The following MYLIP variants were observed in gnomAD, a reference collection of about 807,000 sequenced individuals.
MYLIP encodes the protein myosin regulatory light chain interacting protein, also known as E3 ubiquitin-protein ligase MYLIP.
A neutral mutation model predicts 45.8 loss-of-function variants in MYLIP; 26 were observed. That is an observed-to-expected ratio of 0.57 (90% CI 0.42 to 0.79). The LOEUF (loss-of-function observed/expected upper bound fraction) is 0.79. MYLIP is among the 30% of genes least tolerant of loss of function. The pLI is 0.00. For missense variants in MYLIP, 494 were observed against 555.6 expected (o/e 0.89, Z 1.11); for synonymous variants, 213 against 218.1 (o/e 0.98, Z 0.21).
Position 16,129,417 on chromosome 6 carries a change from C to G in MYLIP, c.87+8C>G. 6.3e-7 allele frequency: 1 copy of G among 1,576,990 alleles called. No homozygotes were observed. The highest frequency in any genetic ancestry group is 8.6e-7 in the Non-Finnish European group (1 of 1,162,056). ...GAGGACTGCCTCAACCAGGTGAGGG[C>G]GAGGGGCAAGAAGGGGCCCCGGCGG... is the stretch of plus-strand genomic sequence containing the variant. On this transcript the variant is annotated splice_region_variant and intron_variant, in intron 1 of 6. Coordinates refer to ENST00000356840, the MANE Select transcript of MYLIP (RefSeq NM_013262.4). This position sits in a 1 kb window ranked among gnomAD's most constrained non-coding sequence, Gnocchi z 5.1.
chr6:16,145,000 T>C lies in MYLIP; in HGVS notation c.931T>C (p.Tyr311His). 6.2e-7 allele frequency: 1 copy of C among 1,614,108 alleles called. No individual in the cohort carries two copies. Residue 311 changes from tyrosine to histidine, a missense_variant, in exon 6 of 7, where the codon TAT (tyrosine) becomes CAT (histidine). Transcript: ENST00000356840. ...TGAAAACATTAACCTTGGCAAGAAA[T>C]ATGTCTTTGATATTAAAAGAACATC... is the stretch of plus-strand genomic sequence containing the variant. Reference protein sequence around the residue: ...LNENINLGKKYVFDIKRTSKE... With the variant: ...LNENINLGKKHVFDIKRTSKE...
At chr6:16,155,633 C>G in the MYLIP span, among the ~76,000 whole-genome samples, 63 of 152,352 alleles carry the variant, frequency 4.1e-4, no homozygotes, top group African/African-American at 1.4e-3. Flanking sequence ...TGCTTCGGCA[C>G]TGGCAGGGGC....
chr6:16,153,825 A>G, the MYLIP span, among the ~76,000 whole-genome samples: 11 of 152,216 alleles, frequency 7.2e-5, no homozygotes, highest in African/African-American at 2.7e-4. Context: ...GACTCGGGTT[A>G]CCTGTTCAAG....
At chr6:16,162,806 G>A in the MYLIP span, among the ~76,000 whole-genome samples, 13,760 of 97,048 alleles carry the variant, frequency 0.14, 456 homozygotes, top group African/African-American at 0.34. Flanking sequence ...AAAAAAAAAA[G>A]AAATTCATTT....
chr6:16,159,468 T>G, the MYLIP span, among the ~76,000 whole-genome samples: 1 of 152,202 alleles, frequency 6.6e-6, no homozygotes, highest in Admixed American at 6.5e-5. Flanking sequence ...CTGGACGGTC[T>G]TTTTGGTTTG....
chr6:16,161,395 C>T, the MYLIP span: 230 of 226,836 alleles, frequency 1.0e-3, 1 homozygote, highest in African/African-American at 4.8e-3. Flanking sequence ...GATGACCTCC[C>T]GGACAACCTC....
At chr6:16,139,022 T>C (rs757090167) in intron 2 of MYLIP, among the ~76,000 whole-genome samples, 1 of 152,226 alleles carries the variant, frequency 6.6e-6, no homozygotes, top group Non-Finnish European at 1.5e-5. Context: ...TCTCCGGAAG[T>C]GTAGGCATGG....
chr6:16,162,183 T>C, the MYLIP span, among the ~76,000 whole-genome samples: 3 of 152,156 alleles, frequency 2.0e-5, no homozygotes, highest in African/African-American at 4.8e-5. Flanking sequence ...AATGTGAAAA[T>C]GAAATTTCCT....
the MYLIP span, among the ~76,000 whole-genome samples, chr6:16,154,973 A>T: frequency 6.6e-6 from 1 of 152,130 alleles, no homozygotes; most frequent in Non-Finnish European, 1.5e-5. Flanking sequence ...TATTTGACTC[A>T]CTGAAAGGAC....
At chr6:16,151,005 A>G (rs146303792), downstream of MYLIP, among the ~76,000 whole-genome samples, 1 of 152,092 alleles carries the variant, frequency 6.6e-6, no homozygotes, top group Admixed American at 6.5e-5. Flanking sequence ...CAAGAACAAT[A>G]TGAGAAAAAA....
chr6:16,129,295 G>A lies in MYLIP; in HGVS notation c.-28G>A, dbSNP rs1197099150. 30 of 1,550,898 alleles carry A rather than the reference G, an allele frequency of 1.9e-5. No homozygotes were observed. The East Asian group carries it at 7.1e-4, about 37-fold the overall frequency. ...GCCCCGCGCACACCAAAGAGAAGGC[G>A]GCTGTGGCGGCAGCGGCAGCCCCAG... is the stretch of plus-strand genomic sequence containing the variant. On this transcript the variant is annotated 5_prime_UTR_variant, in exon 1 of 7. Coordinates refer to ENST00000356840, the MANE Select transcript of MYLIP (RefSeq NM_013262.4). This position sits in a 1 kb window ranked among gnomAD's most constrained non-coding sequence, Gnocchi z 5.1.
the MYLIP span, among the ~76,000 whole-genome samples, chr6:16,156,185 C>A: frequency 1.3e-5 from 2 of 152,090 alleles, no homozygotes; most frequent in African/African-American, 4.8e-5. Context: ...AGACTGGAGG[C>A]AGGGTGGGCC....
In MYLIP at chr6:16,143,726, C is replaced by T; in HGVS notation, c.690C>T (p.Ala230=). ...NRIAYPVVQM[A]TQSGKNVYLT... ...TAGCTTATCCTGTGGTGCAGATGGC[C>T]ACCCAGTCAGGAAAGAATGTATATT... Residue 230 remains alanine, a synonymous_variant, in exon 5 of 7, where the codon GCC becomes GCT. Transcript: ENST00000356840. The T allele has an allele frequency of 6.2e-7, 1 of 1,614,046 alleles. No homozygotes were observed. The highest frequency in any genetic ancestry group is 8.5e-7 in the Non-Finnish European group (1 of 1,180,004).
Position 16,129,918 on chromosome 6 carries a change from TC to T in MYLIP, c.87+511del, listed in dbSNP as rs1759423444. Among the ~76,000 whole-genome samples, 1 of 152,238 alleles carries T rather than the reference TC, an allele frequency of 6.6e-6. No individual in the cohort carries two copies. Among genetic ancestry groups the T allele is most frequent in the South Asian group, 2.1e-4 (1 of 4,834 alleles). Reference sequence around the variant, plus strand: ...CTCAAATGCACCGTTCACCTGCATCTCCGGGTTTGCGGGGGACGGGAGGAAT... The same window carrying T: ...CTCAAATGCACCGTTCACCTGCATCTCGGGTTTGCGGGGGACGGGAGGAAT... On this transcript the variant is annotated intron_variant, in intron 1 of 6. Coordinates refer to ENST00000356840, the MANE Select transcript of MYLIP (RefSeq NM_013262.4). The surrounding 1 kb of genome is among the most constrained non-coding windows in gnomAD (Gnocchi z 5.1).
Position 16,146,842 on chromosome 6 carries a change from C to A in MYLIP, c.*91C>A. 4 of 1,099,442 alleles carry A rather than the reference C, an allele frequency of 3.6e-6. No individual in the cohort carries two copies. Among genetic ancestry groups the A allele is most frequent in the South Asian group, 1.5e-5 (1 of 67,268 alleles). The allele number at this position is 1,099,442 out of a possible 1,614,324, so 68.1% of individuals were successfully genotyped here. On this transcript the variant is annotated 3_prime_UTR_variant, in exon 7 of 7. Coordinates refer to ENST00000356840, the MANE Select transcript of MYLIP (RefSeq NM_013262.4). ...ATAGATTGTGGAGAAAGTAATTATT[C>A]CAACACCCATCTGCCATGCGATGTT...
chr6:16,161,416 C>T, the MYLIP span: 22 of 180,418 alleles, frequency 1.2e-4, no homozygotes, highest in Non-Finnish European at 2.0e-4. Context: ...AGACCAAGTA[C>T]TTACATACAT....
chr6:16,161,730 C>T, the MYLIP span, among the ~76,000 whole-genome samples: 1 of 152,128 alleles, frequency 6.6e-6, no homozygotes, highest in Non-Finnish European at 1.5e-5. Flanking sequence ...AAGTTAAACA[C>T]CACTCATTAC....
chr6:16,143,600 T>C (rs954324042), intron 4 of MYLIP, 99 bp from the exon 5 acceptor site: 1 of 1,267,550 alleles, frequency 7.9e-7, no homozygotes, highest in African/African-American at 1.5e-5. Context: ...GTCTGATTTT[T>C]CTGCTAGGTC....
At chr6:16,141,102 A>T (rs918298071) in intron 2 of MYLIP, among the ~76,000 whole-genome samples, 2 of 152,192 alleles carry the variant, frequency 1.3e-5, no homozygotes, top group African/African-American at 4.8e-5. Context: ...TTTGGTTTTG[A>T]ATGAGCCAAA....
Sources: allele counts gnomAD v4.1 joint callset (sites outside exome capture counted in the v4.1 genomes callset), GRCh38; gene constraint gnomAD v4.1.1; non-coding constraint Gnocchi (gnomAD v3.1); transcripts MANE v1.5; gene names NCBI Gene and HGNC (gene_info 2026-07-23, HGNC 2026-07-21).